The following TRPV2 variants were observed in gnomAD, a reference collection of about 807,000 sequenced individuals.
TRPV2 encodes OTRPC2.
TRPV2 carries 58 observed loss-of-function variants against 91.0 expected under a neutral mutation model. That is an observed-to-expected ratio of 0.64 (90% confidence interval 0.52 to 0.79). The LOEUF (loss-of-function observed/expected upper bound fraction) is 0.79, where lower values mean the gene tolerates loss of function less well. Among genes scored for constraint, TRPV2 ranks in the 30% least tolerant of loss-of-function variants. The probability of loss-of-function intolerance (pLI) is 0.00; values close to 1 mark genes in which losing one functional copy is unlikely to be tolerated. For synonymous variants in TRPV2, 417 were observed against 414.8 expected, an observed-to-expected ratio of 1.01 and a Z score of -0.06; for missense variants, 807 against 969.6, an observed-to-expected ratio of 0.83 and a Z score of 2.23.
rs769009409 is a variant in TRPV2, at chr17:16,436,843, C to A, written c.2249C>A (p.Ala750Asp). ...ASPPKEDEDG[A>D]SEENYVPVQL... ...CCTCCCAAGGAGGATGAGGATGGTG[C>A]CTCTGAGGAAAACTATGTGCCCGTC... The change falls in exon 15 of 15, where the codon GCC becomes GAC. Residue 750 changes from alanine to aspartate, a missense_variant. By Grantham distance (126) the Ala-to-Asp change is moderately radical. Transcript: ENST00000338560. 2 of 1,614,092 alleles carry A rather than the reference C, an allele frequency of 1.2e-6. No individual in the cohort carries two copies. The highest frequency in any genetic ancestry group is 1.1e-5 in the South Asian group (1 of 91,088).
rs57939654 is a variant in TRPV2 at position 16,427,680 on chromosome 17, G to C, written c.1350+133G>C. On this transcript the variant is annotated intron_variant, in intron 8 of 14. Transcript: ENST00000338560. ...CAGAGCAACCAGCCTCACTGAAGCT[G>C]AGGGCCAGAGGTTCTGGCCTTGCCT... 5.8e-3 allele frequency: 4,603 copies of C among 794,482 alleles called. 147 individuals are homozygous for C. The African/African-American group carries it at 0.071, about 12-fold the overall frequency. 49.2% of individuals were successfully genotyped at this position (794,482 alleles called of 1,614,324 possible).
chr17:16,426,854 T>C lies in TRPV2; in HGVS notation c.1228T>C (p.Tyr410His). ...CATGTTCATCTTCACCGCTGTTGCC[T>C]ACCATCAGCCTACCCTGAAGAAGGC... ...IYMFIFTAVA[Y>H]HQPTLKKQAA... The change falls in exon 7 of 15, where the codon TAC becomes CAC. Residue 410 changes from tyrosine (Y) to histidine (H), a missense_variant. Transcript: ENST00000338560. The surrounding 1 kb of genome is among the most constrained non-coding windows in gnomAD (Gnocchi z 6.0). 6.2e-7 allele frequency: 1 copy of C among 1,608,028 alleles called. No homozygotes were observed. Among genetic ancestry groups the C allele is most frequent in the Non-Finnish European group, 8.5e-7 (1 of 1,176,758 alleles).
chr17:16,427,647 G>C (rs1438553801), intron 8 of TRPV2, 100 bp downstream of exon 8: 2 of 1,142,884 alleles, frequency 1.7e-6, no homozygotes, highest in Non-Finnish European at 2.4e-6. Flanking sequence ...ACAATACCCA[G>C]TCCCACCCAG....
At chr17:16,427,676 A>G in intron 8 of TRPV2, 129 bp downstream of exon 8, 1 of 827,694 alleles carries the variant, frequency 1.2e-6, no homozygotes, top group Non-Finnish European at 1.8e-6. Flanking sequence ...GCCTCACTGA[A>G]GCTGAGGGCC....
chr17:16,426,046 G>C lies in TRPV2; in HGVS notation c.925-53G>C, dbSNP rs2093381347. The C allele has an allele frequency of 2.2e-5, 36 of 1,601,894 alleles. No individual in the cohort carries two copies. The highest frequency in any genetic ancestry group is 3.0e-5 in the Non-Finnish European group (35 of 1,171,356). On this transcript the variant is annotated intron_variant, in intron 5 of 14. Transcript: ENST00000338560. The surrounding 1 kb of genome is among the most constrained non-coding windows in gnomAD (Gnocchi z 6.0). Reference sequence around the variant, plus strand: ...CTGGGTGTTTCCCAGCCTTGGCCCAGGATCAGTGCCAGGAAGGGACCATGA... The same window carrying C: ...CTGGGTGTTTCCCAGCCTTGGCCCACGATCAGTGCCAGGAAGGGACCATGA...
intron 10 of TRPV2, among the ~76,000 whole-genome samples, chr17:16,430,791 C>T (rs2093406214): frequency 6.6e-6 from 1 of 152,130 alleles, no homozygotes; most frequent in Non-Finnish European, 1.5e-5. Flanking sequence ...CAGCCAATTC[C>T]TTCCTTTGTA....
At chr17:16,434,440 C>G (rs2093426618) in intron 13 of TRPV2, among the ~76,000 whole-genome samples, 1 of 144,554 alleles carries the variant, frequency 6.9e-6, no homozygotes, top group South Asian at 2.2e-4. Flanking sequence ...TGCACTCCAG[C>G]CTGGGCGACA....
chr17:16,426,587 G>A lies in TRPV2; in HGVS notation c.1096-135G>A. 9.3e-7 allele frequency: 1 copy of A among 1,074,202 alleles called. No homozygotes were observed. Among genetic ancestry groups the A allele is most frequent in the Non-Finnish European group, 1.3e-6 (1 of 765,392 alleles). 66.5% of individuals were successfully genotyped at this position (1,074,202 alleles called of 1,614,324 possible). ...GGGAGGGTTGGCGTGAGGTCCTTTG[G>A]GGCTCCTGGGGTGTGGAAGCCTGCT... On this transcript the variant is annotated intron_variant, in intron 6 of 14. Transcript: ENST00000338560. This position sits in a 1 kb window ranked among gnomAD's most constrained non-coding sequence, Gnocchi z 6.0.
chr17:16,431,156 A>C (rs142887661), intron 10 of TRPV2, among the ~76,000 whole-genome samples: 349 of 148,462 alleles, frequency 2.4e-3, no homozygotes, highest in African/African-American at 8.2e-3. Context: ...GGCTCAAGCA[A>C]TCCTCCTGTC....
At chr17:16,428,686 G>T in intron 9 of TRPV2, 131 bp from the exon 10 acceptor site, 1 of 984,188 alleles carries the variant, frequency 1.0e-6, no homozygotes, top group Non-Finnish European at 1.5e-6. Context: ...TTTACAGTGG[G>T]AGGGAACTGA....
chr17:16,416,511 GCTGAGCTTC>G (rs1227690097), intron 1 of TRPV2: 3 of 153,200 alleles, frequency 2.0e-5, no homozygotes, highest in African/African-American at 7.2e-5. Context: ...TGTGCTGTTT[GCTGAGCTTC>G]CTAGGCCAGC....
In TRPV2 at chr17:16,422,850, C is replaced by T. The variant is rs960490056; in HGVS notation, c.586C>T (p.Arg196Cys). Residue 196 changes from arginine (R) to cysteine (C), a missense_variant, in exon 4 of 15, where the codon CGC becomes TGC. Transcript: ENST00000338560. ...CAATGTGCATGCCCGGGCCTGCGGC[C>T]GCTTCTTCCAGAAGGGCCAAGGGAC... is the stretch of plus-strand genomic sequence containing the variant. ...GANVHARACG[R>C]FFQKGQGTCF... 23 of 1,570,948 alleles carry T rather than the reference C, an allele frequency of 1.5e-5. No individual in the cohort carries two copies. In the Middle Eastern group the frequency reaches 5.0e-4, roughly 34 times the overall value.
Position 16,426,990 on chromosome 17 carries a change from C to T in TRPV2, c.1251+113C>T. 1.6e-6 allele frequency: 2 copies of T among 1,265,850 alleles called. No individual in the cohort carries two copies. The highest frequency in any genetic ancestry group is 2.2e-6 in the Non-Finnish European group (2 of 916,098). 78.4% of individuals were successfully genotyped at this position (1,265,850 alleles called of 1,614,324 possible). A position where few individuals can be genotyped will look rare whatever the true frequency, so the allele number is the denominator to read the frequency against. On this transcript the variant is annotated intron_variant, in intron 7 of 14. Coordinates refer to ENST00000338560, the MANE Select transcript of TRPV2 (RefSeq NM_016113.5). The surrounding 1 kb of genome is among the most constrained non-coding windows in gnomAD (Gnocchi z 6.0). ...GGCATGGGCTGCTGGAGTGACATTC[C>T]CAAGCTTATGGGAGCCAGCACTGCA...
At chr17:16,419,499 T>C in intron 2 of TRPV2, 1 of 450,502 alleles carries the variant, frequency 2.2e-6, no homozygotes, top group Admixed American at 2.6e-5. Context: ...ACAGCCCTGC[T>C]GAGATTCCCA....
chr17:16,419,368 T>C (rs1292284741), intron 2 of TRPV2: 1 of 470,832 alleles, frequency 2.1e-6, no homozygotes, highest in African/African-American at 2.0e-5. Flanking sequence ...TTCTTGGTGG[T>C]GTCTGATATG....
Position 16,417,680 on chromosome 17 carries a change from C to T in TRPV2, c.12C>T (p.Pro4=), listed in dbSNP as rs149389070. The T allele has an allele frequency of 4.1e-4, 666 of 1,614,150 alleles. 2 individuals are homozygous for T. In the East Asian group the frequency reaches 6.3e-3, roughly 15 times the overall value. The change falls in exon 2 of 15, where the codon CCC becomes CCT. Residue 4 remains proline, a synonymous_variant. Coordinates refer to ENST00000338560, the MANE Select transcript of TRPV2 (RefSeq NM_016113.5). MTS[P]SSSPVFRLET... is the part of the protein sequence containing the mutation. Reference sequence around the variant, plus strand: ...CTCCTCCTCCTAGGATGACCTCACCCTCCAGCTCTCCAGTTTTCAGGTTGG... The same window carrying T: ...CTCCTCCTCCTAGGATGACCTCACCTTCCAGCTCTCCAGTTTTCAGGTTGG...
intron 5 of TRPV2, among the ~76,000 whole-genome samples, chr17:16,424,498 G>T (rs1208647677): frequency 6.6e-6 from 1 of 152,062 alleles, no homozygotes; most frequent in Admixed American, 6.6e-5. Context: ...GTTTCACCAT[G>T]TTGGCCAGGC....
At chr17:16,434,846 G>A (rs376076256) in intron 13 of TRPV2, 44 bp from the exon 14 acceptor site, 901 of 1,591,048 alleles carry the variant, frequency 5.7e-4, no homozygotes, top group Non-Finnish European at 7.1e-4. Flanking sequence ...GGGAGGGGAG[G>A]CGGTCAAAGC....
At chr17:16,419,502 G>C in intron 2 of TRPV2, 1 of 446,054 alleles carries the variant, frequency 2.2e-6, no homozygotes. Context: ...GCCCTGCTGA[G>C]ATTCCCAGTT....
Sources: allele counts gnomAD v4.1 joint callset (sites outside exome capture counted in the v4.1 genomes callset), GRCh38; gene constraint gnomAD v4.1.1; non-coding constraint Gnocchi (gnomAD v3.1); transcripts MANE v1.5; gene names NCBI Gene and HGNC (gene_info 2026-07-23, HGNC 2026-07-21).